Variants in RHBDD1 observed in about 807,000 individuals in gnomAD.
The protein encoded by RHBDD1 is rhomboid-related protein 4.
A neutral mutation model predicts 36.3 loss-of-function variants in RHBDD1; 38 were observed. That is an observed-to-expected ratio of 1.05 (90% CI 0.81 to 1.37). RHBDD1 has a LOEUF of 1.37. Ranked by LOEUF, RHBDD1 falls within the 40% of genes most tolerant of loss-of-function variation. RHBDD1 has a pLI of 0.00. For missense variants in RHBDD1, 393 were observed against 377.6 expected, an observed-to-expected ratio of 1.04 and a Z score of -0.34; for synonymous variants, 151 against 136.5, an observed-to-expected ratio of 1.11 and a Z score of -0.74.
chr2:226,927,612 G>T (rs1022733283), intron 8 of RHBDD1, among the ~76,000 whole-genome samples: 1 of 151,946 alleles, frequency 6.6e-6, no homozygotes, highest in African/African-American at 2.4e-5. Flanking sequence ...GAGAGTTCCA[G>T]TTGCTCTCGG....
At chr2:226,925,145 T>C (rs1949581395) in intron 8 of RHBDD1, among the ~76,000 whole-genome samples, 1 of 152,230 alleles carries the variant, frequency 6.6e-6, no homozygotes. Flanking sequence ...GCTGCTGATA[T>C]GAATGCAAAT....
intron 3 of RHBDD1, among the ~76,000 whole-genome samples, chr2:226,854,238 C>T (rs940566940): frequency 1.7e-4 from 26 of 151,972 alleles, no homozygotes. Flanking sequence ...ATGAGGTGGT[C>T]CTTATTATTA....
chr2:226,948,564 T>TAAAAAAAAAAAAAAAAAAAAAAAGAA (rs56325989), intron 8 of RHBDD1, among the ~76,000 whole-genome samples: 1 of 23,556 alleles, frequency 4.2e-5, no homozygotes, highest in Non-Finnish European at 8.3e-5. Context: ...ACTTAAAGTA[T>TAAAAAAAAAAAAAAAAAAAAAAAGAA]AAAAAAAAAA....
chr2:226,846,021 T>C (rs1380164582), intron 3 of RHBDD1, among the ~76,000 whole-genome samples: 1 of 152,258 alleles, frequency 6.6e-6, no homozygotes, highest in Non-Finnish European at 1.5e-5. Context: ...TTCATTGAGC[T>C]GCATGTGCTG....
chr2:226,924,656 C>T (rs1949552442), intron 8 of RHBDD1, among the ~76,000 whole-genome samples: 1 of 152,156 alleles, frequency 6.6e-6, no homozygotes, highest in South Asian at 2.1e-4. Context: ...GCACTTTTGC[C>T]CATGGTGTCA....
chr2:226,897,586 C>T (rs1053991927), intron 5 of RHBDD1, among the ~76,000 whole-genome samples: 1 of 152,186 alleles, frequency 6.6e-6, no homozygotes, highest in African/African-American at 2.4e-5. Flanking sequence ...GCTACTTCCA[C>T]TCATGGTGGA....
At chr2:226,873,204 A>C (rs1271433897) in intron 5 of RHBDD1, among the ~76,000 whole-genome samples, 1 of 152,176 alleles carries the variant, frequency 6.6e-6, no homozygotes, top group Non-Finnish European at 1.5e-5. Flanking sequence ...CCATTTTTGC[A>C]CTGTAAAGAC....
chr2:226,935,834 T>A (rs1296813361), intron 8 of RHBDD1, among the ~76,000 whole-genome samples: 2 of 152,118 alleles, frequency 1.3e-5, no homozygotes, highest in African/African-American at 2.4e-5. Context: ...ATAAAGCAGA[T>A]CTAACTTGAT....
intron 5 of RHBDD1, among the ~76,000 whole-genome samples, chr2:226,868,694 T>C (rs1392371066): frequency 6.6e-6 from 1 of 152,218 alleles, no homozygotes; most frequent in East Asian, 1.9e-4. Context: ...CTCATGGGGC[T>C]GTGTGTCAGC....
intron 8 of RHBDD1, among the ~76,000 whole-genome samples, chr2:226,980,459 G>A (rs1955478701): frequency 6.6e-6 from 1 of 152,122 alleles, no homozygotes; most frequent in Admixed American, 6.6e-5. Flanking sequence ...TTAGCTCTTA[G>A]GAAAACCATT....
the RHBDD1 span, among the ~76,000 whole-genome samples, chr2:226,808,904 C>A: frequency 6.6e-6 from 1 of 151,838 alleles, no homozygotes; most frequent in Non-Finnish European, 1.5e-5. Context: ...TTTAAACTAC[C>A]ACAGATTGAA....
intron 5 of RHBDD1, among the ~76,000 whole-genome samples, chr2:226,888,839 G>A (rs763264141): frequency 6.6e-6 from 1 of 152,054 alleles, no homozygotes; most frequent in Non-Finnish European, 1.5e-5. Context: ...TGTTAGTCAC[G>A]ATCAGGAGTT....
At chr2:226,925,981 G>A (rs1254586026) in intron 8 of RHBDD1, among the ~76,000 whole-genome samples, 1 of 151,968 alleles carries the variant, frequency 6.6e-6, no homozygotes, top group Non-Finnish European at 1.5e-5. Context: ...GAGAGGGAGG[G>A]AGGATAGAAG....
chr2:226,970,888 C>T (rs972731158), intron 8 of RHBDD1, among the ~76,000 whole-genome samples: 4 of 152,110 alleles, frequency 2.6e-5, no homozygotes, highest in East Asian at 1.9e-4. Context: ...TGAGGACCTT[C>T]GTGGACTTTT....
intron 1 of RHBDD1, 156 bp from the exon 2 acceptor site, chr2:226,837,917 T>A (rs188514139): frequency 6.6e-6 from 1 of 152,362 alleles, no homozygotes; most frequent in African/African-American, 2.4e-5. Context: ...TATGTTTCTG[T>A]CCTTATCTTT....
chr2:226,851,191 T>A (rs1398867265), intron 3 of RHBDD1, among the ~76,000 whole-genome samples: 1 of 152,060 alleles, frequency 6.6e-6, no homozygotes, highest in Non-Finnish European at 1.5e-5. Flanking sequence ...CTTTTTTCCA[T>A]CAAGGAGAGT....
intron 3 of RHBDD1, among the ~76,000 whole-genome samples, chr2:226,863,947 T>G (rs917394258): frequency 6.6e-6 from 1 of 152,034 alleles, no homozygotes; most frequent in Non-Finnish European, 1.5e-5. Flanking sequence ...CTCACTGCAT[T>G]TAGAACATTA....
At position 226,997,039 on chromosome 2, in the gene RHBDD1, A is replaced by G. The variant is rs1959555261; in HGVS notation, c.*1517A>G. The G allele has an allele frequency of 6.6e-6, 1 of 152,178 alleles. No homozygotes were observed. Among genetic ancestry groups the G allele is most frequent in the Non-Finnish European group, 1.5e-5 (1 of 68,030 alleles). The allele number at this position is 152,178 out of a possible 1,614,324, so 9.4% of individuals were successfully genotyped here. A position where few individuals can be genotyped will look rare whatever the true frequency, so the allele number is the denominator to read the frequency against. ...CAAATTTGGAGCACATTGACCATGG[A>G]GTTTTGTGTCCAAATCCAATCTGAA... On this transcript the variant is annotated 3_prime_UTR_variant, in exon 9 of 9. Transcript: ENST00000392062.
intron 8 of RHBDD1, among the ~76,000 whole-genome samples, chr2:226,972,789 C>T (rs1019398299): frequency 6.6e-6 from 1 of 152,130 alleles, no homozygotes; most frequent in African/African-American, 2.4e-5. Flanking sequence ...GGGTGCCTTT[C>T]ATGAAGTCTA....
Sources: gnomAD v4.1 joint callset for allele counts (sites outside exome capture counted in the v4.1 genomes callset) on GRCh38, gnomAD v4.1.1 for gene constraint, MANE v1.5 for transcripts, NCBI Gene and HGNC (gene_info 2026-07-23, HGNC 2026-07-21) for gene names.